The following MYPN variants were observed in gnomAD, a reference collection of about 807,000 sequenced individuals.
The protein encoded by MYPN is sarcomeric protein myopalladin, 145 kDa (MYOP).
Under a neutral mutation model 129.4 loss-of-function variants are expected in MYPN, and 63 were observed. That is an observed-to-expected ratio of 0.49 (90% CI 0.40 to 0.60). MYPN has a LOEUF of 0.60. MYPN is among the 20% of genes least tolerant of loss of function. MYPN has a pLI of 0.00. For synonymous variants in MYPN, 629 were observed against 600.9 expected, an observed-to-expected ratio of 1.05 and a Z score of -0.68; for missense variants, 1,596 against 1,635.4, an observed-to-expected ratio of 0.98 and a Z score of 0.42.
At chr10:68,145,702 AC>A (rs1330115718) in intron 4 of MYPN, among the ~76,000 whole-genome samples, 176 bp downstream of exon 4, 1 of 152,248 alleles carries the variant, frequency 6.6e-6, no homozygotes, top group Non-Finnish European at 1.5e-5. Flanking sequence ...AGAAGACCCT[AC>A]TTTTGCTTAA....
intron 8 of MYPN, among the ~76,000 whole-genome samples, chr10:68,164,509 G>A (rs1194123383): frequency 6.6e-6 from 1 of 152,182 alleles, no homozygotes; most frequent in Non-Finnish European, 1.5e-5. Flanking sequence ...TGCCCCACTG[G>A]CCAGATTTCC....
chr10:68,203,165 G>A (rs1482141925), intron 18 of MYPN, among the ~76,000 whole-genome samples: 4 of 152,210 alleles, frequency 2.6e-5, no homozygotes, highest in Non-Finnish European at 5.9e-5. Context: ...GGCAGTGGCA[G>A]GGGAGGGAGG....
chr10:68,146,167 G>C (rs985086667), intron 4 of MYPN, among the ~76,000 whole-genome samples: 1 of 152,138 alleles, frequency 6.6e-6, no homozygotes, highest in African/African-American at 2.4e-5. Context: ...TTATTCAGTA[G>C]AGCATCAACC....
At chr10:68,195,785 TG>T (rs201809315) in intron 15 of MYPN, among the ~76,000 whole-genome samples, 9 of 99,268 alleles carry the variant, frequency 9.1e-5, no homozygotes, top group East Asian at 6.7e-4. Context: ...CACTAGTCTC[TG>T]GGGCTTTTTT....
chr10:68,175,302 A>C, intron 11 of MYPN, 21 bp from the exon 12 acceptor site: 1 of 1,613,246 alleles, frequency 6.2e-7, no homozygotes, highest in Admixed American at 1.7e-5. Flanking sequence ...TGGGTGTGTC[A>C]GGTGTGGATT....
At chr10:68,106,767 C>T (rs1414972947), upstream of MYPN, 2 of 717,324 alleles carry the variant, frequency 2.8e-6, no homozygotes, top group South Asian at 1.5e-5. Context: ...CATAGAACTT[C>T]CAGATTCCTT....
chr10:68,140,960 T>C (rs1329029187), intron 2 of MYPN, among the ~76,000 whole-genome samples: 1 of 152,090 alleles, frequency 6.6e-6, no homozygotes, highest in African/African-American at 2.4e-5. Context: ...TGGCCCCAGC[T>C]ACTTGGGAGG....
chr10:68,199,609 T>C, intron 17 of MYPN, 34 bp downstream of exon 17: 1 of 1,600,584 alleles, frequency 6.2e-7, no homozygotes, highest in East Asian at 2.2e-5. Context: ...TAAACACAAC[T>C]TCCTCCAAAG....
At position 68,211,151 on chromosome 10, in the gene MYPN, A is replaced by G. The variant is rs1311185674; in HGVS notation, c.*696A>G. ...ATGGCCTTACCAGCTTGTCTGCACT[A>G]TTTTCTTTTGGGTGGTGACTGTTTT... On this transcript the variant is annotated 3_prime_UTR_variant, in exon 20 of 20. Transcript: ENST00000358913. 4 of 453,722 alleles carry G rather than the reference A, an allele frequency of 8.8e-6. No individual in the cohort carries two copies. The highest frequency in any genetic ancestry group is 4.0e-5 in the African/African-American group (2 of 49,900). 28.1% of individuals were successfully genotyped at this position (453,722 alleles called of 1,614,324 possible).
intron 3 of MYPN, 104 bp downstream of exon 3, chr10:68,143,219 A>G (rs2042605162): frequency 2.7e-6 from 3 of 1,127,826 alleles, no homozygotes; most frequent in Non-Finnish European, 3.9e-6. Flanking sequence ...TCTTCTAGGC[A>G]ATGAGGATAC....
At chr10:68,151,061 C>T (rs566724279) in intron 6 of MYPN, among the ~76,000 whole-genome samples, 1 of 152,284 alleles carries the variant, frequency 6.6e-6, no homozygotes, top group East Asian at 1.9e-4. Context: ...CATCCCACAA[C>T]ACATAGGATG....
At chr10:68,180,514 C>A (rs972327783) in intron 12 of MYPN, among the ~76,000 whole-genome samples, 1 of 152,226 alleles carries the variant, frequency 6.6e-6, no homozygotes, top group Non-Finnish European at 1.5e-5. Context: ...AGAATCCTTT[C>A]TTCTGTCTCT....
chr10:68,177,206 A>G (rs142340685), intron 12 of MYPN, among the ~76,000 whole-genome samples: 2 of 152,330 alleles, frequency 1.3e-5, no homozygotes, highest in Non-Finnish European at 2.9e-5. Flanking sequence ...CACAAGTTGA[A>G]TGCCATAAAC....
Position 68,174,485 on chromosome 10 carries a change from C to A in MYPN, c.2393C>A (p.Thr798Lys). The change falls in exon 11 of 20, where the codon ACA becomes AAA. Residue 798 changes from threonine to lysine, a missense_variant. Thr to Lys is a moderately conservative substitution (Grantham distance 78). Coordinates refer to ENST00000358913, the MANE Select transcript of MYPN (RefSeq NM_032578.4). ...ACAGAACCAACACCACCACCATTCA[C>A]ATTTTCCATCCCCAGCGGAAACCAG... ...GPTEPTPPPFTFSIPSGNQFQ... is the reference protein window; with the variant it reads ...GPTEPTPPPFKFSIPSGNQFQ... The A allele has an allele frequency of 6.2e-7, 1 of 1,614,002 alleles. No homozygotes were observed. Among genetic ancestry groups the A allele is most frequent in the Non-Finnish European group, 8.5e-7 (1 of 1,179,924 alleles).
chr10:68,189,918 T>G (rs558851791), intron 13 of MYPN, among the ~76,000 whole-genome samples: 1 of 152,250 alleles, frequency 6.6e-6, no homozygotes, highest in Admixed American at 6.5e-5. Flanking sequence ...GGTAGTTCTA[T>G]TTTTGGTTTT....
At chr10:68,148,791 A>T (rs1408803634) in intron 5 of MYPN, among the ~76,000 whole-genome samples, 1 of 152,188 alleles carries the variant, frequency 6.6e-6, no homozygotes, top group East Asian at 1.9e-4. Context: ...ATATCATAAA[A>T]CCTGATTAGT....
chr10:68,088,876 C>T (rs2133931150), intron 1 of MYPN, among the ~76,000 whole-genome samples: 1 of 152,282 alleles, frequency 6.6e-6, no homozygotes, highest in East Asian at 1.9e-4. Context: ...TGTATCACCC[C>T]CTCATATCCA....
chr10:68,189,919 T>C (rs572094065), intron 13 of MYPN, among the ~76,000 whole-genome samples: 71 of 152,280 alleles, frequency 4.7e-4, no homozygotes, highest in African/African-American at 1.6e-3. Flanking sequence ...GTAGTTCTAT[T>C]TTTGGTTTTT....
chr10:68,200,113 G>T (rs2134303046), intron 17 of MYPN, among the ~76,000 whole-genome samples: 1 of 152,284 alleles, frequency 6.6e-6, no homozygotes, highest in Admixed American at 6.5e-5. Context: ...CAGAAAAGGA[G>T]AGATTCATAG....
Sources: allele counts gnomAD v4.1 joint callset (sites outside exome capture counted in the v4.1 genomes callset), GRCh38; gene constraint gnomAD v4.1.1; transcripts MANE v1.5; gene names NCBI Gene and HGNC (gene_info 2026-07-23, HGNC 2026-07-21).